DLG2: variants seen among roughly 807,000 people sequenced by gnomAD.
The protein encoded by DLG2 is discs large MAGUK scaffold protein 2, also known as disks large homolog 2.
DLG2 carries 45 observed loss-of-function variants against 132.5 expected under a neutral mutation model. That is an observed-to-expected ratio of 0.34 (90% CI 0.27 to 0.44). DLG2 has a LOEUF of 0.44. DLG2 is among the 20% of genes least tolerant of loss of function. The pLI, the probability that DLG2 is intolerant of heterozygous loss-of-function variation, is 1.00. For synonymous variants in DLG2, 424 were observed against 419.6 expected (o/e 1.01, Z -0.13); for missense variants, 1,045 against 1,196.9 (o/e 0.87, Z 1.87).
At chr11:84,524,312 C>T (rs2099313584) in intron 7 of DLG2, among the ~76,000 whole-genome samples, 1 of 152,150 alleles carries the variant, frequency 6.6e-6, no homozygotes, top group Admixed American at 6.5e-5. Context: ...TCCTTTCTTC[C>T]CGCTTTTCAA....
chr11:84,805,929 T>C (rs1436998748), intron 6 of DLG2, among the ~76,000 whole-genome samples: 1 of 152,160 alleles, frequency 6.6e-6, no homozygotes, highest in Non-Finnish European at 1.5e-5. Flanking sequence ...TTGAACATAC[T>C]TGAAACAAAT....
At chr11:83,750,799 G>T (rs1254412884) in intron 18 of DLG2, among the ~76,000 whole-genome samples, 1 of 152,088 alleles carries the variant, frequency 6.6e-6, no homozygotes, top group Non-Finnish European at 1.5e-5. Flanking sequence ...TAATTTAAAA[G>T]GTACCTTTAG....
At chr11:83,541,912 T>C in intron 19 of DLG2, 54 bp from the exon 20 acceptor site, 1 of 1,509,036 alleles carries the variant, frequency 6.6e-7, no homozygotes, top group Admixed American at 2.0e-5. Flanking sequence ...AGCACAGATT[T>C]AGGATTTATG....
At chr11:84,114,827 AT>A (rs11376031) in intron 9 of DLG2, among the ~76,000 whole-genome samples, 8,012 of 140,266 alleles carry the variant, frequency 0.057, 219 homozygotes, top group Non-Finnish European at 0.071. Context: ...AAGCCTGGCT[AT>A]TTTTTTTTTT....
intron 5 of DLG2, among the ~76,000 whole-genome samples, chr11:85,141,803 A>T (rs569776691): frequency 6.6e-6 from 1 of 151,926 alleles, no homozygotes; most frequent in South Asian, 2.1e-4. Context: ...ACAATTTATT[A>T]AAGAGACTGT....
In DLG2 at chr11:85,388,750, C is replaced by T. The variant is rs962028419; in HGVS notation, c.41-103385G>A. Reference sequence around the variant, plus strand: ...GTGGCTAGATCCAGAGGAGAAATAACAATCACTGCAGTTCAGCTCTCAGGA... The same window carrying T: ...GTGGCTAGATCCAGAGGAGAAATAATAATCACTGCAGTTCAGCTCTCAGGA... On this transcript the variant is annotated intron_variant, in intron 3 of 27. Coordinates refer to ENST00000376104, the MANE Select transcript of DLG2 (RefSeq NM_001142699.3). 3.9e-5 allele frequency among the ~76,000 whole-genome samples: 6 copies of T among 152,094 alleles called. No homozygotes were observed. The East Asian group carries it at 1.2e-3, about 29-fold the overall frequency.
rs570451955 is a variant in DLG2 at position 85,235,990 on chromosome 11, G to A, written c.186+49230C>T. Among the ~76,000 whole-genome samples, 4 of 151,818 alleles carry A rather than the reference G, an allele frequency of 2.6e-5. No homozygotes were observed. The South Asian group carries it at 6.2e-4, about 24-fold the overall frequency. ...TAGATAAAAACACTGCGCATATATC[G>A]ATTACTTGTATTTTAACACTTCTAT... is the stretch of plus-strand genomic sequence containing the variant. On this transcript the variant is annotated intron_variant, in intron 4 of 27. Coordinates refer to ENST00000376104, the MANE Select transcript of DLG2 (RefSeq NM_001142699.3).
At chr11:83,742,423 T>C (rs937586854) in intron 18 of DLG2, among the ~76,000 whole-genome samples, 4 of 152,134 alleles carry the variant, frequency 2.6e-5, no homozygotes, top group African/African-American at 7.2e-5. Context: ...GAAAAATTAG[T>C]TATTAGCAGG....
rs550308395 is a variant in DLG2 at position 84,030,246 on chromosome 11, C to T, written c.919+29069G>A. Among the ~76,000 whole-genome samples, 181 of 152,200 alleles carry T rather than the reference C, an allele frequency of 1.2e-3. 6 individuals carry two copies. Among genetic ancestry groups the T allele is most frequent in the African/African-American group, 4.1e-3 (171 of 41,540 alleles). ...ATCCTACAGGTAGACACTATTATTA[C>T]ATTACTGATAATTGAGGAAAATCCT... On this transcript the variant is annotated intron_variant, in intron 11 of 27. Coordinates refer to ENST00000376104, the MANE Select transcript of DLG2 (RefSeq NM_001142699.3).
chr11:85,391,780 A>C (rs1188295463), intron 3 of DLG2, among the ~76,000 whole-genome samples: 1 of 152,136 alleles, frequency 6.6e-6, no homozygotes, highest in East Asian at 1.9e-4. Flanking sequence ...CATACAAGGG[A>C]CACACCTTAA....
intron 6 of DLG2, among the ~76,000 whole-genome samples, chr11:85,025,666 TAGA>T (rs1378015526): frequency 1.3e-5 from 2 of 152,166 alleles, no homozygotes; most frequent in African/African-American, 4.8e-5. Flanking sequence ...TAAAATTCAC[TAGA>T]AGAATAACAG....
intron 4 of DLG2, among the ~76,000 whole-genome samples, chr11:85,217,023 G>A (rs937621358): frequency 6.6e-6 from 1 of 151,978 alleles, no homozygotes; most frequent in Non-Finnish European, 1.5e-5. Context: ...ATTCACATTT[G>A]TATAGTACTT....
chr11:85,056,527 C>G (rs17147933), intron 6 of DLG2, among the ~76,000 whole-genome samples: 1 of 151,724 alleles, frequency 6.6e-6, no homozygotes. Context: ...ATACAAATAA[C>G]GAAGTGTGTG....
At chr11:84,367,310 A>G (rs906790062) in intron 7 of DLG2, among the ~76,000 whole-genome samples, 19 of 152,136 alleles carry the variant, frequency 1.2e-4, no homozygotes, top group African/African-American at 4.3e-4. Context: ...TAACTACTCA[A>G]TTCTGCCACT....
chr11:85,293,492 A>G (rs554717346), intron 3 of DLG2, among the ~76,000 whole-genome samples: 1 of 152,294 alleles, frequency 6.6e-6, no homozygotes, highest in East Asian at 1.9e-4. Flanking sequence ...AGAAGAACAT[A>G]GCATAATTTC....
At chr11:84,884,361 A>G (rs1299922651) in intron 6 of DLG2, among the ~76,000 whole-genome samples, 1 of 152,108 alleles carries the variant, frequency 6.6e-6, no homozygotes, top group Non-Finnish European at 1.5e-5. Context: ...TATGGTCTCT[A>G]AGTAACCACT....
intron 4 of DLG2, among the ~76,000 whole-genome samples, chr11:85,168,832 C>T (rs2078643031): frequency 6.6e-6 from 1 of 151,970 alleles, no homozygotes; most frequent in Admixed American, 6.6e-5. Context: ...TCAATGTCTT[C>T]GTCATTGCAA....
At chr11:84,755,508 C>G (rs1483080353) in intron 6 of DLG2, among the ~76,000 whole-genome samples, 2 of 152,200 alleles carry the variant, frequency 1.3e-5, no homozygotes, top group Non-Finnish European at 2.9e-5. Flanking sequence ...ACTGCAAGCT[C>G]CGCTTCCCGG....
chr11:84,378,178 A>G (rs1469673543), intron 7 of DLG2, among the ~76,000 whole-genome samples: 1 of 152,178 alleles, frequency 6.6e-6, no homozygotes, highest in Non-Finnish European at 1.5e-5. Context: ...TCATAAGGGT[A>G]GGGCTGTGAT....
Sources: gnomAD v4.1 joint callset for allele counts (sites outside exome capture counted in the v4.1 genomes callset) on GRCh38, gnomAD v4.1.1 for gene constraint, MANE v1.5 for transcripts, NCBI Gene and HGNC (gene_info 2026-07-23, HGNC 2026-07-21) for gene names.